The following CYP4F22 variants were observed in gnomAD, a reference collection of about 807,000 sequenced individuals.
CYP4F22 encodes ultra-long-chain fatty acid omega-hydroxylase.
In CYP4F22, 37 loss-of-function variants were observed where a neutral mutation model predicts 60.4. The ratio of observed to expected loss-of-function variants is 0.61; its 90% CI spans 0.47 to 0.81. The LOEUF (loss-of-function observed/expected upper bound fraction) is 0.81. Ranked by LOEUF, CYP4F22 falls within the 30% of genes least tolerant of loss-of-function variation. CYP4F22 has a pLI of 0.00. For missense variants in CYP4F22, 655 were observed against 715.0 expected (o/e 0.92, Z 0.96); for synonymous variants, 258 against 280.5 (o/e 0.92, Z 0.80).
At chr19:15,522,862 C>T (rs1971241109) in intron 1 of CYP4F22, among the ~76,000 whole-genome samples, 1 of 151,986 alleles carries the variant, frequency 6.6e-6, no homozygotes, top group South Asian at 2.1e-4. Flanking sequence ...AGGCGCACGC[C>T]ACCACGCCCG....
In CYP4F22 at chr19:15,552,252, G is replaced by T. The variant is rs1222223363; in HGVS notation, c.*781G>T. On this transcript the variant is annotated 3_prime_UTR_variant, in exon 14 of 14. Coordinates refer to ENST00000269703, the MANE Select transcript of CYP4F22 (RefSeq NM_173483.4). Reference sequence around the variant, plus strand: ...GGAATGAGGGGCTCTGCAACTGAGCGAAGCTGCGGGCTAGGAGGCTGGAAA... The same window carrying T: ...GGAATGAGGGGCTCTGCAACTGAGCTAAGCTGCGGGCTAGGAGGCTGGAAA... 1 of 152,218 alleles carries T rather than the reference G, an allele frequency of 6.6e-6. No individual in the cohort carries two copies. The highest frequency in any genetic ancestry group is 1.9e-4 in the East Asian group (1 of 5,188). 9.4% of individuals were successfully genotyped at this position (152,218 alleles called of 1,614,324 possible).
chr19:15,540,326 G>A, intron 7 of CYP4F22, 124 bp from the exon 8 acceptor site: 2 of 1,147,234 alleles, frequency 1.7e-6, no homozygotes, highest in East Asian at 2.4e-5. Flanking sequence ...TTTAAAAATA[G>A]AGTTAATATA....
At chr19:15,548,066 C>G (rs779054732) in intron 10 of CYP4F22, 42 bp from the exon 11 acceptor site, 57 of 1,487,218 alleles carry the variant, frequency 3.8e-5, no homozygotes, top group Non-Finnish European at 4.7e-5. Context: ...GGAGGTGGTG[C>G]CATGGTGGCT....
At chr19:15,514,599 A>T (rs1006701025) in intron 1 of CYP4F22, among the ~76,000 whole-genome samples, 3 of 152,064 alleles carry the variant, frequency 2.0e-5, no homozygotes, top group Non-Finnish European at 4.4e-5. Flanking sequence ...TGAACCTGGG[A>T]GGCAGAAGTT....
intron 7 of CYP4F22, 138 bp from the exon 8 acceptor site, chr19:15,540,312 T>C: frequency 1.9e-6 from 2 of 1,057,442 alleles, no homozygotes; most frequent in Non-Finnish European, 2.8e-6. Context: ...AATAAATAAA[T>C]GAATTTAAAA....
chr19:15,537,496 T>G, intron 5 of CYP4F22, 39 bp from the exon 6 acceptor site: 1 of 1,613,820 alleles, frequency 6.2e-7, no homozygotes. Context: ...GGTTTCAGAG[T>G]AACAGGAGAG....
intron 4 of CYP4F22, 118 bp from the exon 5 acceptor site, chr19:15,537,243 G>A (rs1384481678): frequency 2.2e-6 from 3 of 1,345,748 alleles, no homozygotes; most frequent in Non-Finnish European, 3.2e-6. Flanking sequence ...GGAGGTTGCA[G>A]TGAGTGGAGA....
At chr19:15,510,945 CATAT>C (rs1183507990) in intron 1 of CYP4F22, among the ~76,000 whole-genome samples, 16 of 111,596 alleles carry the variant, frequency 1.4e-4, no homozygotes, top group African/African-American at 4.0e-4. Flanking sequence ...ATAGGGATAC[CATAT>C]ATATATATAT....
intron 6 of CYP4F22, 94 bp downstream of exon 6, chr19:15,537,756 G>A (rs1289069308): frequency 6.2e-7 from 1 of 1,606,570 alleles, no homozygotes; most frequent in Non-Finnish European, 8.5e-7. Context: ...GATGTCAGGA[G>A]CCCTCACTGA....
At chr19:15,511,791 CTCCACTCCT>C (rs1971095404) in intron 1 of CYP4F22, among the ~76,000 whole-genome samples, 1 of 152,234 alleles carries the variant, frequency 6.6e-6, no homozygotes, top group African/African-American at 2.4e-5. Flanking sequence ...GGTCCGTGCC[CTCCACTCCT>C]TCTTGGGAGC....
intron 7 of CYP4F22, 85 bp from the exon 8 acceptor site, chr19:15,540,365 G>A (rs1305753663): frequency 1.3e-6 from 2 of 1,527,992 alleles, no homozygotes; most frequent in Non-Finnish European, 9.1e-7. Context: ...TATTCAATGG[G>A]GACAGGAGGC....
intron 1 of CYP4F22, among the ~76,000 whole-genome samples, chr19:15,519,309 C>T (rs2144503993): frequency 6.6e-6 from 1 of 150,854 alleles, no homozygotes; most frequent in East Asian, 2.0e-4. Flanking sequence ...GTCACCCAGG[C>T]TGGAGTGCAA....
At chr19:15,534,809 C>T (rs892143) in intron 4 of CYP4F22, among the ~76,000 whole-genome samples, 132,520 of 151,934 alleles carry the variant, frequency 0.87, 58,019 homozygotes, top group African/African-American at 0.95. Flanking sequence ...TGCCTAGGAG[C>T]TTGCCAGAGA....
intron 4 of CYP4F22, among the ~76,000 whole-genome samples, chr19:15,531,186 G>A (rs1243932855): frequency 1.3e-5 from 2 of 152,150 alleles, no homozygotes; most frequent in African/African-American, 4.8e-5. Flanking sequence ...AGACCAGCCT[G>A]GGTAATCTAG....
intron 1 of CYP4F22, among the ~76,000 whole-genome samples, chr19:15,519,287 G>C (rs1971193398): frequency 6.7e-6 from 1 of 149,058 alleles, no homozygotes; most frequent in Non-Finnish European, 1.5e-5. Flanking sequence ...TTTTGAGACA[G>C]AGTCTCACTC....
In CYP4F22 at chr19:15,535,603, A is replaced by C. The variant is rs552328349; in HGVS notation, c.368-1758A>C. 2.0e-5 allele frequency among the ~76,000 whole-genome samples: 3 copies of C among 151,858 alleles called. 1 individual carries two copies. The highest frequency in any genetic ancestry group is 7.2e-5 in the African/African-American group (3 of 41,404). ...TCATTCATCCATCCACCTTCCACCTATCCACTCATTCATCCATCCATCCAC... is the reference window on the plus strand; with the variant it reads ...TCATTCATCCATCCACCTTCCACCTCTCCACTCATTCATCCATCCATCCAC... On this transcript the variant is annotated intron_variant, in intron 4 of 13. Coordinates refer to ENST00000269703, the MANE Select transcript of CYP4F22 (RefSeq NM_173483.4).
chr19:15,535,152 C>A (rs541943090), intron 4 of CYP4F22, among the ~76,000 whole-genome samples: 9 of 152,162 alleles, frequency 5.9e-5, no homozygotes, highest in Admixed American at 2.0e-4. Flanking sequence ...GCTGCCTCCT[C>A]CAGGAAGCCT....
chr19:15,551,579 T>G lies in CYP4F22; in HGVS notation c.*108T>G. 7.4e-7 allele frequency: 1 copy of G among 1,356,576 alleles called. No individual in the cohort carries two copies. Among genetic ancestry groups the G allele is most frequent in the Non-Finnish European group, 1.0e-6 (1 of 1,002,300 alleles). The allele number at this position is 1,356,576 out of a possible 1,614,324, so 84.0% of individuals were successfully genotyped here. ...TAGGCCACCCCCCTCGAAGTTCAGG[T>G]TCAGCTCCTGGATGACCAGGCACCG... On this transcript the variant is annotated 3_prime_UTR_variant, in exon 14 of 14. Transcript: ENST00000269703.
At chr19:15,523,395 C>T (rs1971246544) in intron 1 of CYP4F22, among the ~76,000 whole-genome samples, 1 of 152,048 alleles carries the variant, frequency 6.6e-6, no homozygotes, top group South Asian at 2.1e-4. Context: ...AACAAGATCC[C>T]ATGAGAACTC....
Sources: allele counts gnomAD v4.1 joint callset (sites outside exome capture counted in the v4.1 genomes callset), GRCh38; gene constraint gnomAD v4.1.1; transcripts MANE v1.5; gene names NCBI Gene and HGNC (gene_info 2026-07-23, HGNC 2026-07-21).